LSAMP: variants seen among roughly 807,000 people sequenced by gnomAD.
LSAMP encodes the protein limbic system associated membrane protein.
LSAMP carries 7 observed loss-of-function variants against 38.6 expected under a neutral mutation model. The observed-to-expected ratio is 0.18, with a 90% CI of 0.10 to 0.34. LSAMP has a LOEUF of 0.34. LSAMP is among the 10% of genes least tolerant of loss of function. LSAMP has a pLI of 1.00. For synonymous variants in LSAMP, 154 were observed against 166.8 expected, an observed-to-expected ratio of 0.92 and a Z score of 0.59; for missense variants, 313 against 420.0, an observed-to-expected ratio of 0.75 and a Z score of 2.23.
chr3:115,912,823 A>G (rs9848968), intron 3 of LSAMP, among the ~76,000 whole-genome samples: 66,873 of 151,876 alleles, frequency 0.44, 15,125 homozygotes, highest in African/African-American at 0.55. Flanking sequence ...GCATTTTCAG[A>G]TTGCTGGCTT....
intron 3 of LSAMP, among the ~76,000 whole-genome samples, chr3:115,966,429 A>T (rs1938815861): frequency 6.6e-6 from 1 of 152,210 alleles, no homozygotes; most frequent in African/African-American, 2.4e-5. Flanking sequence ...ACAGCAGCCT[A>T]AACAAATCTT....
chr3:116,009,387 G>C (rs180754038), intron 3 of LSAMP, among the ~76,000 whole-genome samples: 1 of 152,014 alleles, frequency 6.6e-6, no homozygotes, highest in Non-Finnish European at 1.5e-5. Context: ...TAGCACCGTC[G>C]TAACAGAAGT....
chr3:115,926,139 T>C (rs978263044), intron 3 of LSAMP, among the ~76,000 whole-genome samples: 6 of 152,184 alleles, frequency 3.9e-5, no homozygotes, highest in African/African-American at 7.2e-5. Context: ...GATGGGCACA[T>C]GCTGCCTCCA....
intron 1 of LSAMP, among the ~76,000 whole-genome samples, chr3:116,269,221 T>C (rs1199437932): frequency 6.6e-6 from 1 of 152,122 alleles, no homozygotes; most frequent in African/African-American, 2.4e-5. Context: ...AATTTCAGCA[T>C]TTTTATGTAT....
At position 116,057,955 on chromosome 3, in the gene LSAMP, ACC is replaced by A. The variant is rs1491518852; in HGVS notation, c.388+28367_388+28368del. On this transcript the variant is annotated intron_variant, in intron 2 of 6. Coordinates refer to ENST00000490035, the MANE Select transcript of LSAMP (RefSeq NM_002338.5). ...GCTACACACACACACACACACACAC[ACC>A]CACACACACACACACACACACACAG... 1.0e-3 allele frequency among the ~76,000 whole-genome samples: 108 copies of A among 106,706 alleles called. 1 individual carries two copies. Among genetic ancestry groups the A allele is most frequent in the African/African-American group, 3.0e-3 (84 of 27,602 alleles). 70.0% of individuals were successfully genotyped at this position (106,706 alleles called of 152,430 possible).
intron 3 of LSAMP, among the ~76,000 whole-genome samples, chr3:116,016,962 G>A (rs1940501396): frequency 6.6e-6 from 1 of 152,054 alleles, no homozygotes; most frequent in South Asian, 2.1e-4. Flanking sequence ...TATTTTCCTG[G>A]TTGATATTGA....
intron 2 of LSAMP, among the ~76,000 whole-genome samples, chr3:116,031,187 G>C (rs910109522): frequency 2.6e-5 from 4 of 151,920 alleles, no homozygotes; most frequent in African/African-American, 7.3e-5. Context: ...AAGTATAAAG[G>C]GTTCGGGGAA....
Position 115,808,155 on chromosome 3 carries a change from T to G in LSAMP, c.*2162A>C, listed in dbSNP as rs1340065294. 1 of 69,592 alleles carries G rather than the reference T, an allele frequency of 1.4e-5. No individual in the cohort carries two copies. The highest frequency in any genetic ancestry group is 6.1e-5 in the African/African-American group (1 of 16,344). The allele number at this position is 69,592 out of a possible 1,614,324, so 4.3% of individuals were successfully genotyped here. A position where few individuals can be genotyped will look rare whatever the true frequency, so the allele number is the denominator to read the frequency against. Reference sequence around the variant, plus strand: ...CTCCCTCCCTCCCTCCCTCCCCCCCTTCCCCGTCCCCCCCTCCCTGCCTTC... The same window carrying G: ...CTCCCTCCCTCCCTCCCTCCCCCCCGTCCCCGTCCCCCCCTCCCTGCCTTC... On this transcript the variant is annotated 3_prime_UTR_variant, in exon 7 of 7. Coordinates refer to ENST00000490035, the MANE Select transcript of LSAMP (RefSeq NM_002338.5).
intron 6 of LSAMP, among the ~76,000 whole-genome samples, chr3:115,834,305 T>C (rs1934712508): frequency 1.3e-5 from 2 of 152,032 alleles, no homozygotes; most frequent in Admixed American, 6.6e-5. Flanking sequence ...TAGAAAAAAA[T>C]TGCTTGCTGA....
At chr3:116,254,543 A>T (rs568876988) in intron 1 of LSAMP, among the ~76,000 whole-genome samples, 2 of 152,298 alleles carry the variant, frequency 1.3e-5, no homozygotes, top group South Asian at 4.1e-4. Context: ...TCTGCCTCTC[A>T]TGAATAAACA....
chr3:116,428,314 TGGG>T (rs2049232222), intron 1 of LSAMP, among the ~76,000 whole-genome samples: 1 of 152,062 alleles, frequency 6.6e-6, no homozygotes. Flanking sequence ...AAAAATTAGC[TGGG>T]CTTGGTGGTG....
chr3:116,028,863 C>T (rs769149018), intron 2 of LSAMP, among the ~76,000 whole-genome samples: 3 of 151,884 alleles, frequency 2.0e-5, no homozygotes, highest in South Asian at 2.1e-4. Context: ...ATAAATTACC[C>T]CAAAGATATG....
intron 3 of LSAMP, among the ~76,000 whole-genome samples, chr3:115,878,476 T>A (rs113539979): frequency 7.0e-6 from 1 of 142,668 alleles, no homozygotes; most frequent in Admixed American, 7.0e-5. Flanking sequence ...TTTTTTTTTT[T>A]TTTTTGACAG....
rs558507382 is a variant in LSAMP, at chr3:116,339,077, G to C, written c.155+105800C>G. On this transcript the variant is annotated intron_variant, in intron 1 of 6. Transcript: ENST00000490035. ...TAAAGGTGATATTTATAAAGGTTCA[G>C]GTGCCTTTCCTAGGCAGAGGGAAAA... 5.3e-5 allele frequency among the ~76,000 whole-genome samples: 8 copies of C among 152,090 alleles called. No individual in the cohort carries two copies. The East Asian group carries it at 1.5e-3, about 29-fold the overall frequency.
At chr3:115,981,852 C>G (rs188913517) in intron 3 of LSAMP, among the ~76,000 whole-genome samples, 1 of 152,116 alleles carries the variant, frequency 6.6e-6, no homozygotes, top group African/African-American at 2.4e-5. Flanking sequence ...TCTTTTTATG[C>G]CACCTTCCTT....
At position 116,179,391 on chromosome 3, in the gene LSAMP, T is replaced by C. The variant is rs189099268; in HGVS notation, c.156-92835A>G. Among the ~76,000 whole-genome samples, 42 of 152,196 alleles carry C rather than the reference T, an allele frequency of 2.8e-4. 1 individual carries two copies. The highest frequency in any genetic ancestry group is 6.5e-4 in the Admixed American group (10 of 15,280). On this transcript the variant is annotated intron_variant, in intron 1 of 6. Transcript: ENST00000490035. ...TGCTTGATGGTTGCACATCAGAGGA[T>C]GAATTTGGGTAGAGGGAAGTGGTTA...
chr3:116,207,430 A>T (rs1383343486), intron 1 of LSAMP, among the ~76,000 whole-genome samples: 1 of 150,244 alleles, frequency 6.7e-6, no homozygotes, highest in African/African-American at 2.4e-5. Flanking sequence ...GTTATGTGTG[A>T]ATTTGATCCT....
intron 1 of LSAMP, among the ~76,000 whole-genome samples, chr3:116,090,818 T>C (rs1708105307): frequency 6.6e-6 from 1 of 152,092 alleles, no homozygotes; most frequent in Middle Eastern, 3.2e-3. Context: ...GTGACAGACA[T>C]CAAGTACTTA....
At chr3:116,386,026 C>T (rs1317448535) in intron 1 of LSAMP, among the ~76,000 whole-genome samples, 1 of 151,922 alleles carries the variant, frequency 6.6e-6, no homozygotes, top group Non-Finnish European at 1.5e-5. Context: ...ATTTAATCCT[C>T]AAAAAACTTT....
Sources: allele counts gnomAD v4.1 joint callset (sites outside exome capture counted in the v4.1 genomes callset), GRCh38; gene constraint gnomAD v4.1.1; transcripts MANE v1.5; gene names NCBI Gene and HGNC (gene_info 2026-07-23, HGNC 2026-07-21).